Variants in MARK3 observed in about 807,000 individuals in gnomAD.
MARK3 encodes the protein MAP/microtubule affinity-regulating kinase 3.
A neutral mutation model predicts 90.1 loss-of-function variants in MARK3; 46 were observed. The observed-to-expected ratio is 0.51, with a 90% CI of 0.40 to 0.65. MARK3 has a LOEUF of 0.65. MARK3 is among the 30% of genes least tolerant of loss of function. The pLI is 0.00. For synonymous variants in MARK3, 321 were observed against 332.6 expected (o/e 0.97, Z 0.38); for missense variants, 818 against 947.2 (o/e 0.86, Z 1.79).
chr14:103,429,345 G>A (rs972412604), intron 3 of MARK3: 1 of 152,156 alleles, frequency 6.6e-6, no homozygotes, highest in Non-Finnish European at 1.5e-5. Flanking sequence ...TCTTTAAAAT[G>A]GAGATAATTT....
In MARK3 at chr14:103,460,073, C is replaced by CTTTTTTTTTTTTTTTTTTTTTTTTTTT. The variant is rs571611660; in HGVS notation, c.484-2327_484-2301dup. The stretch of plus-strand genomic sequence containing the variant: ...AAAAAGAATAGATTTCCAGCTCCAT[C>CTTTTTTTTTTTTTTTTTTTTTTTTTTT]TTTTTTTTTTTTTTTTTTTTTTTTT... On this transcript the variant is annotated intron_variant, in intron 6 of 17. Coordinates refer to ENST00000429436, the MANE Select transcript of MARK3 (RefSeq NM_001128918.3). Among the ~76,000 whole-genome samples, 5 of 41,720 alleles carry CTTTTTTTTTTTTTTTTTTTTTTTTTTT rather than the reference C, an allele frequency of 1.2e-4. 1 individual carries two copies. The highest frequency in any genetic ancestry group is 2.0e-4 in the Non-Finnish European group (5 of 25,344). 27.4% of individuals were successfully genotyped at this position (41,720 alleles called of 152,430 possible).
Position 103,475,170 on chromosome 14 carries a change from C to T in MARK3, c.1442C>T (p.Ala481Val), listed in dbSNP as rs183634888. The change falls in exon 13 of 18, where the codon GCG becomes GTG. Residue 481 changes from alanine to valine, a missense_variant. Ala to Val is a moderately conservative substitution (Grantham distance 64). Coordinates refer to ENST00000429436, the MANE Select transcript of MARK3 (RefSeq NM_001128918.3). ...GGGAATGCAAGTAATCCTAATAAGG[C>T]GGATATTCCTGAACGCAAGAAAAGC... The part of the protein sequence containing the change: ...MLGNASNPNK[A>V]DIPERKKSST... 6.8e-6 allele frequency: 11 copies of T among 1,613,892 alleles called. No individual in the cohort carries two copies. The highest frequency in any genetic ancestry group is 4.5e-5 in the East Asian group (2 of 44,882).
At chr14:103,393,682 AT>A (rs1303850568) in intron 1 of MARK3, among the ~76,000 whole-genome samples, 2 of 152,176 alleles carry the variant, frequency 1.3e-5, no homozygotes, top group Non-Finnish European at 2.9e-5. Flanking sequence ...TTACATTGTA[AT>A]TACATAGAGG....
At chr14:103,386,818 G>A (rs2089843119) in intron 1 of MARK3, among the ~76,000 whole-genome samples, 1 of 152,196 alleles carries the variant, frequency 6.6e-6, no homozygotes, top group Admixed American at 6.5e-5. Context: ...TGAGCTCTTA[G>A]GTCCCTTTCA....
intron 2 of MARK3, among the ~76,000 whole-genome samples, chr14:103,411,547 T>C (rs12898029): frequency 0.64 from 97,032 of 151,924 alleles, 31,414 homozygotes; most frequent in East Asian, 0.86. Context: ...ATACCCATAC[T>C]GTGGTGTTTT....
At chr14:103,427,821 G>C (rs569740715) in intron 2 of MARK3, among the ~76,000 whole-genome samples, 2 of 152,104 alleles carry the variant, frequency 1.3e-5, no homozygotes, top group Non-Finnish European at 2.9e-5. Context: ...CACTTTCATC[G>C]CCATCTTGGT....
At chr14:103,448,774 T>C in intron 3 of MARK3, 145 bp from the exon 4 acceptor site, 1 of 747,810 alleles carries the variant, frequency 1.3e-6, no homozygotes, top group Non-Finnish European at 2.0e-6. Context: ...TGGACTTTCA[T>C]ATTAGTCTTA....
rs1429678831 is a variant in MARK3, at chr14:103,409,881, C to G, written c.243+4614C>G. ...ATTTTTGTTGTTACAAACAGATCTGCAGTGGACATTCTTTAGCATTGCGTG... is the reference window on the plus strand; with the variant it reads ...ATTTTTGTTGTTACAAACAGATCTGGAGTGGACATTCTTTAGCATTGCGTG... On this transcript the variant is annotated intron_variant, in intron 2 of 17. Coordinates refer to ENST00000429436, the MANE Select transcript of MARK3 (RefSeq NM_001128918.3). Among the ~76,000 whole-genome samples the G allele has an allele frequency of 2.6e-5, 4 of 152,202 alleles. No individual in the cohort carries two copies. In the East Asian group the frequency reaches 7.7e-4, roughly 29 times the overall value.
At chr14:103,456,064 G>A (rs2093271896) in intron 5 of MARK3, among the ~76,000 whole-genome samples, 1 of 152,090 alleles carries the variant, frequency 6.6e-6, no homozygotes, top group Non-Finnish European at 1.5e-5. Context: ...TATATTCCTT[G>A]AAGTGTCACC....
At chr14:103,439,674 G>T (rs1455975556) in intron 3 of MARK3, among the ~76,000 whole-genome samples, 1 of 152,090 alleles carries the variant, frequency 6.6e-6, no homozygotes. Context: ...CTCCCAAAGT[G>T]CTGGAATTAC....
chr14:103,503,514 G>A lies in MARK3; in HGVS notation c.*287G>A, dbSNP rs770465510. 30 of 426,858 alleles carry A rather than the reference G, an allele frequency of 7.0e-5. No homozygotes were observed. Among genetic ancestry groups the A allele is most frequent in the Non-Finnish European group, 1.0e-4 (24 of 235,172 alleles). 26.4% of individuals were successfully genotyped at this position (426,858 alleles called of 1,614,324 possible). A position where few individuals can be genotyped will look rare whatever the true frequency, so the allele number is the denominator to read the frequency against. On this transcript the variant is annotated 3_prime_UTR_variant, in exon 18 of 18. Coordinates refer to ENST00000429436, the MANE Select transcript of MARK3 (RefSeq NM_001128918.3). ...CGTCTGGGTGGGTGTGAGAGTGGAC[G>A]GTATGTGTGTGAAGTGGTGTATATG...
At chr14:103,449,786 CT>C (rs1404480312) in intron 4 of MARK3, among the ~76,000 whole-genome samples, 1 of 152,134 alleles carries the variant, frequency 6.6e-6, no homozygotes, top group African/African-American at 2.4e-5. Context: ...TACATAACTG[CT>C]TTTTTGTATA....
chr14:103,415,001 A>G (rs1227575326), intron 2 of MARK3, among the ~76,000 whole-genome samples: 1 of 151,828 alleles, frequency 6.6e-6, no homozygotes, highest in Non-Finnish European at 1.5e-5. Flanking sequence ...AAAATACAAA[A>G]AATAGCCGGG....
intron 14 of MARK3, 36 bp from the exon 15 acceptor site, chr14:103,491,741 C>T (rs199507599): frequency 1.4e-5 from 22 of 1,603,070 alleles, no homozygotes; most frequent in Non-Finnish European, 1.9e-5. Context: ...TTTTGTATAT[C>T]ATGTTCTGAG....
chr14:103,410,056 AGT>A (rs2091541640), intron 2 of MARK3, among the ~76,000 whole-genome samples: 1 of 152,200 alleles, frequency 6.6e-6, no homozygotes, highest in Non-Finnish European at 1.5e-5. Flanking sequence ...AATGGAATAG[AGT>A]GTTCATTTTC....
chr14:103,448,159 G>A (rs888977564), intron 3 of MARK3, among the ~76,000 whole-genome samples: 4 of 152,154 alleles, frequency 2.6e-5, no homozygotes, highest in African/African-American at 9.6e-5. Flanking sequence ...TTACAACAGA[G>A]GATCTGTCTC....
intron 15 of MARK3, among the ~76,000 whole-genome samples, chr14:103,494,290 G>A (rs1316240679): frequency 5.4e-5 from 8 of 147,942 alleles, no homozygotes; most frequent in Non-Finnish European, 1.2e-4. Context: ...GGTGGCTCAC[G>A]CCTGTAATCC....
chr14:103,428,087 C>G lies in MARK3; in HGVS notation c.244-300C>G, dbSNP rs181266708. On this transcript the variant is annotated intron_variant, in intron 2 of 17. Coordinates refer to ENST00000429436, the MANE Select transcript of MARK3 (RefSeq NM_001128918.3). ...GACCCTTAATCCTTAAGAATTGTAG[C>G]GGGACAAAGATCATCTGTAACTTCT... 3.9e-5 allele frequency among the ~76,000 whole-genome samples: 6 copies of G among 152,202 alleles called. No homozygotes were observed. In the East Asian group the frequency reaches 1.2e-3, roughly 29 times the overall value.
intron 15 of MARK3, among the ~76,000 whole-genome samples, chr14:103,495,448 C>T (rs1285613532): frequency 1.7e-4 from 1 of 5,934 alleles, no homozygotes; most frequent in Non-Finnish European, 0.012. Flanking sequence ...CCATTGCACT[C>T]CAGCCTGGCG....
Sources: gnomAD v4.1 joint callset for allele counts (sites outside exome capture counted in the v4.1 genomes callset) on GRCh38, gnomAD v4.1.1 for gene constraint, MANE v1.5 for transcripts, NCBI Gene and HGNC (gene_info 2026-07-23, HGNC 2026-07-21) for gene names.